Variants in KLB observed in about 807,000 individuals in gnomAD.
The protein encoded by KLB is beta-klotho.
KLB carries 44 observed loss-of-function variants against 88.4 expected under a neutral mutation model. The observed-to-expected ratio is 0.50, with a 90% confidence interval of 0.39 to 0.64. The LOEUF (loss-of-function observed/expected upper bound fraction) is 0.64, where lower values mean the gene tolerates loss of function less well. Among genes scored for constraint, KLB ranks in the 30% least tolerant of loss-of-function variants. The pLI, the probability that KLB is intolerant of heterozygous loss-of-function variation, is 0.00. For missense variants in KLB, 1,137 were observed against 1,304.8 expected, an observed-to-expected ratio of 0.87 and a Z score of 1.98; for synonymous variants, 548 against 513.4, an observed-to-expected ratio of 1.07 and a Z score of -0.91.
chr4:39,432,195 G>T (rs1454612942), intron 1 of KLB, among the ~76,000 whole-genome samples: 1 of 152,088 alleles, frequency 6.6e-6, no homozygotes, highest in African/African-American at 2.4e-5. Context: ...GCTGAGGTGG[G>T]ACGATCACTT....
intron 3 of KLB, among the ~76,000 whole-genome samples, chr4:39,440,151 T>C (rs1165497694): frequency 6.6e-6 from 1 of 151,264 alleles, no homozygotes; most frequent in Admixed American, 6.6e-5. Context: ...TCTCTTCTTT[T>C]CTTTTCTTTT....
intron 2 of KLB, among the ~76,000 whole-genome samples, chr4:39,436,165 C>T (rs1743467772): frequency 6.6e-6 from 1 of 152,198 alleles, no homozygotes; most frequent in Admixed American, 6.5e-5. Context: ...CTCTATTTCA[C>T]TCTCATATTA....
chr4:39,430,424 G>C (rs553478054), intron 1 of KLB, among the ~76,000 whole-genome samples: 1 of 65,168 alleles, frequency 1.5e-5, no homozygotes, highest in African/African-American at 4.0e-5. Context: ...AAAAAAAAGC[G>C]GTTCTCAAGA....
chr4:39,442,164 A>G (rs1578213624), intron 3 of KLB, among the ~76,000 whole-genome samples: 1 of 151,762 alleles, frequency 6.6e-6, no homozygotes, highest in South Asian at 2.1e-4. Context: ...GAATCGCTTG[A>G]GCCCGGGAGG....
rs1255749074 is a variant in KLB, at chr4:39,446,986, G to A, written c.2260G>A (p.Ala754Thr). 1.2e-6 allele frequency: 2 copies of A among 1,609,160 alleles called. No individual in the cohort carries two copies. Among genetic ancestry groups the A allele is most frequent in the Admixed American group, 1.7e-5 (1 of 60,010 alleles). Reference sequence around the variant, plus strand: ...CTGGGCGGAACCCGCCAACCCCTATGCTGACTCGCACTGGAGGGCGGCCGA... The same window carrying A: ...CTGGGCGGAACCCGCCAACCCCTATACTGACTCGCACTGGAGGGCGGCCGA... The part of the protein sequence containing the change: ...ADWAEPANPY[A>T]DSHWRAAERF... The change falls in exon 4 of 5, where the codon GCT becomes ACT. Residue 754 changes from alanine (A) to threonine (T), a missense_variant. This residue lies in a region of KLB where 426 missense variants were observed against 404.6 expected (regional missense o/e 1.05). Transcript: ENST00000257408. This position sits in a 1 kb window ranked among gnomAD's most constrained non-coding sequence, Gnocchi z 6.4.
rs751520114 is a variant in KLB, at chr4:39,448,274, TTAA to T, written c.2750-25_2750-23del. ...AAGATACTTCATAGTCCATTTGTGATTAATGTTAATTTCTTATCTTTTTCAGCA... is the reference window on the plus strand; with the variant it reads ...AAGATACTTCATAGTCCATTTGTGATTGTTAATTTCTTATCTTTTTCAGCA... On this transcript the variant is annotated intron_variant, in intron 4 of 4. Transcript: ENST00000257408. The T allele has an allele frequency of 7.9e-5, 119 of 1,500,536 alleles. 1 individual carries two copies. The highest frequency in any genetic ancestry group is 4.3e-4 in the Middle Eastern group (2 of 4,618). The allele number at this position is 1,500,536 out of a possible 1,614,324, so 93.0% of individuals were successfully genotyped here. A position where few individuals can be genotyped will look rare whatever the true frequency, so the allele number is the denominator to read the frequency against.
Position 39,407,122 on chromosome 4 carries a change from G to A in KLB, c.173G>A (p.Arg58Lys). Residue 58 changes from arginine to lysine, a missense_variant, in exon 1 of 5, where the codon AGA (arginine) becomes AAA (lysine). Physicochemically the swap from Arg to Lys is conservative, Grantham distance 26. Transcript: ENST00000257408. ...RAVTGFSGDG[R>K]AIWSKNPNFT... ...GTTACTGGATTCTCTGGAGATGGAA[G>A]AGCTATATGGTCTAAAAATCCTAAT... is the stretch of plus-strand genomic sequence containing the variant. 6.2e-7 allele frequency: 1 copy of A among 1,614,134 alleles called. No homozygotes were observed. The highest frequency in any genetic ancestry group is 8.5e-7 in the Non-Finnish European group (1 of 1,180,026).
chr4:39,437,683 ATGTTTAGGCCTC>A, intron 2 of KLB, 32 bp from the exon 3 acceptor site: 1 of 1,545,254 alleles, frequency 6.5e-7, no homozygotes, highest in Non-Finnish European at 8.7e-7. Flanking sequence ...ATGAACTAGA[ATGTTTAGGCCTC>A]TGAACATCTC....
intron 1 of KLB, 86 bp downstream of exon 1, chr4:39,407,860 T>A: frequency 1.3e-6 from 1 of 784,620 alleles, no homozygotes; most frequent in Non-Finnish European, 1.9e-6. Context: ...TTCTCTTCAC[T>A]GAAATCAAGG....
At chr4:39,439,314 C>A (rs927159621) in intron 3 of KLB, among the ~76,000 whole-genome samples, 2 of 151,864 alleles carry the variant, frequency 1.3e-5, no homozygotes, top group Non-Finnish European at 2.9e-5. Context: ...AATCTTAAAA[C>A]CCTCATCTTA....
intron 1 of KLB, among the ~76,000 whole-genome samples, chr4:39,431,097 T>A (rs1373993466): frequency 1.3e-5 from 2 of 149,322 alleles, no homozygotes; most frequent in African/African-American, 4.9e-5. Flanking sequence ...TTGTATTTTT[T>A]TTTTTTTTTT....
At chr4:39,417,388 C>T (rs561196100) in intron 1 of KLB, among the ~76,000 whole-genome samples, 26 of 152,244 alleles carry the variant, frequency 1.7e-4, no homozygotes, top group Admixed American at 1.4e-3. Flanking sequence ...GATCTCAGCT[C>T]ACCGTAACCT....
chr4:39,418,920 C>T (rs1343082365), intron 1 of KLB, among the ~76,000 whole-genome samples: 3 of 145,272 alleles, frequency 2.1e-5, no homozygotes, highest in Non-Finnish European at 3.0e-5. Context: ...TGCACTCCAG[C>T]TTGGATGTCA....
At position 39,448,298 on chromosome 4, in the gene KLB, C is replaced by CA; in HGVS notation, c.2750-2dup. 1 of 1,566,828 alleles carries CA rather than the reference C, an allele frequency of 6.4e-7. No homozygotes were observed. The highest frequency in any genetic ancestry group is 8.7e-7 in the Non-Finnish European group (1 of 1,154,778). On this transcript the variant is annotated splice_polypyrimidine_tract_variant and splice_region_variant and intron_variant, in intron 4 of 4. Coordinates refer to ENST00000257408, the MANE Select transcript of KLB (RefSeq NM_175737.4). The stretch of plus-strand genomic sequence containing the variant: ...ATTAATGTTAATTTCTTATCTTTTT[C>CA]AGCATACCTGATTGATAAAGTCAGA...
Position 39,449,236 on chromosome 4 carries a change from A to G in KLB, c.*550A>G, listed in dbSNP as rs550774795. On this transcript the variant is annotated 3_prime_UTR_variant, in exon 5 of 5. Transcript: ENST00000257408. ...CCAGCTACTTGGGAGGCTGAGGCAG[A>G]AGTTTGAACCCAGGAAACAGGTTAC... is the stretch of plus-strand genomic sequence containing the variant. 1 of 151,896 alleles carries G rather than the reference A, an allele frequency of 6.6e-6. No individual in the cohort carries two copies. Among genetic ancestry groups the G allele is most frequent in the South Asian group, 2.1e-4 (1 of 4,806 alleles). The allele number at this position is 151,896 out of a possible 1,614,324, so 9.4% of individuals were successfully genotyped here.
chr4:39,438,084 A>ATT, intron 3 of KLB, 89 bp downstream of exon 3: 3 of 1,223,030 alleles, frequency 2.5e-6, no homozygotes, highest in African/African-American at 1.5e-5. Context: ...GATAGCTGTC[A>ATT]GACAATATCA....
chr4:39,413,398 T>C (rs1742900802), intron 1 of KLB, among the ~76,000 whole-genome samples: 1 of 152,124 alleles, frequency 6.6e-6, no homozygotes. Context: ...AATAACTCAT[T>C]CTGTTTATTA....
chr4:39,421,740 G>A (rs1225463040), intron 1 of KLB, among the ~76,000 whole-genome samples: 1 of 151,322 alleles, frequency 6.6e-6, no homozygotes, highest in Non-Finnish European at 1.5e-5. Flanking sequence ...GGGCAACAGA[G>A]CAACACTCCG....
In KLB at chr4:39,448,332, C is replaced by T. The variant is rs765514885; in HGVS notation, c.2781C>T (p.Gly927=). The T allele has an allele frequency of 4.5e-5, 73 of 1,609,676 alleles. No individual in the cohort carries two copies. Among genetic ancestry groups the T allele is most frequent in the Non-Finnish European group, 6.2e-5 (73 of 1,176,956 alleles). ...TGATTGATAAAGTCAGAATCAAAGG[C>T]TATTATGCATTCAAACTGGCTGAAG... is the stretch of plus-strand genomic sequence containing the variant. ...AYLIDKVRIK[G]YYAFKLAEEK... The change falls in exon 5 of 5, where the codon GGC becomes GGT. Residue 927 remains glycine (G), a synonymous_variant. Transcript: ENST00000257408.
Sources: gnomAD v4.1 joint callset for allele counts (sites outside exome capture counted in the v4.1 genomes callset) on GRCh38, gnomAD v4.1.1 for gene constraint, gnomAD v4.1.1 regional missense constraint, Gnocchi (gnomAD v3.1) non-coding constraint, MANE v1.5 for transcripts, NCBI Gene and HGNC (gene_info 2026-07-23, HGNC 2026-07-21) for gene names.